The following CTNNA3 variants were observed in gnomAD, a reference collection of about 807,000 sequenced individuals.
CTNNA3 encodes catenin alpha 3.
A neutral mutation model predicts 95.7 loss-of-function variants in CTNNA3; 76 were observed. The observed-to-expected ratio is 0.79, with a 90% CI of 0.66 to 0.96. CTNNA3 has a LOEUF of 0.96. Among genes scored for constraint, CTNNA3 ranks in the 40% least tolerant of loss-of-function variants. The pLI, the probability that CTNNA3 is intolerant of heterozygous loss-of-function variation, is 0.00. For missense variants in CTNNA3, 1,191 were observed against 1,089.8 expected, an observed-to-expected ratio of 1.09 and a Z score of -1.31; for synonymous variants, 431 against 374.4, an observed-to-expected ratio of 1.15 and a Z score of -1.74.
At chr10:66,644,727 C>T (rs1047349115) in intron 9 of CTNNA3, among the ~76,000 whole-genome samples, 23 of 151,412 alleles carry the variant, frequency 1.5e-4, no homozygotes, top group South Asian at 8.3e-4. Flanking sequence ...TATTTTTCTC[C>T]AGTTTTACTT....
At chr10:67,274,176 A>C (rs1839093801) in intron 5 of CTNNA3, among the ~76,000 whole-genome samples, 1 of 152,226 alleles carries the variant, frequency 6.6e-6, no homozygotes, top group South Asian at 2.1e-4. Flanking sequence ...AACTGTTCTT[A>C]GTTCAGCTTC....
intron 9 of CTNNA3, among the ~76,000 whole-genome samples, chr10:66,707,294 T>G (rs780471538): frequency 9.9e-5 from 15 of 152,008 alleles, no homozygotes; most frequent in East Asian, 1.9e-4. Flanking sequence ...TTGTGCACAA[T>G]GTATAGAGAA....
intron 10 of CTNNA3, among the ~76,000 whole-genome samples, chr10:66,617,404 A>G (rs1182096291): frequency 2.6e-5 from 4 of 152,136 alleles, no homozygotes; most frequent in African/African-American, 7.2e-5. Context: ...GGCTGGTTCA[A>G]TATACGCAAA....
chr10:67,244,129 AG>A (rs773761573), intron 5 of CTNNA3, among the ~76,000 whole-genome samples: 1 of 152,236 alleles, frequency 6.6e-6, no homozygotes, highest in Non-Finnish European at 1.5e-5. Flanking sequence ...TGCTCAGTCT[AG>A]AATGGAAATG....
intron 9 of CTNNA3, among the ~76,000 whole-genome samples, chr10:66,663,612 C>G (rs895591937): frequency 6.6e-6 from 1 of 152,072 alleles, no homozygotes; most frequent in South Asian, 2.1e-4. Context: ...GCCTTTCTCT[C>G]CCACTCTACT....
At chr10:67,554,266 T>A (rs1841147567) in intron 3 of CTNNA3, among the ~76,000 whole-genome samples, 1 of 152,204 alleles carries the variant, frequency 6.6e-6, no homozygotes, top group South Asian at 2.1e-4. Flanking sequence ...ATACTTTGGA[T>A]ATATACCCAG....
intron 5 of CTNNA3, among the ~76,000 whole-genome samples, chr10:67,281,853 A>G (rs1839413213): frequency 1.3e-5 from 2 of 152,196 alleles, no homozygotes; most frequent in Admixed American, 1.3e-4. Context: ...CAATGTAACA[A>G]GAATGATAAT....
At position 66,844,104 on chromosome 10, in the gene CTNNA3, T is replaced by C. The variant is rs567480296; in HGVS notation, c.1048-68580A>G. 3.3e-5 allele frequency among the ~76,000 whole-genome samples: 5 copies of C among 152,344 alleles called. No individual in the cohort carries two copies. In the South Asian group the frequency reaches 1.0e-3, roughly 32 times the overall value. On this transcript the variant is annotated intron_variant, in intron 7 of 17. Coordinates refer to ENST00000433211, the MANE Select transcript of CTNNA3 (RefSeq NM_013266.4). Reference sequence around the variant, plus strand: ...ATTTCCAAGTACTACTGTTTGAATTTAGGCATAAATTCTTCTAATTAGATT... The same window carrying C: ...ATTTCCAAGTACTACTGTTTGAATTCAGGCATAAATTCTTCTAATTAGATT...
intron 7 of CTNNA3, among the ~76,000 whole-genome samples, chr10:67,108,095 G>A (rs1194742942): frequency 6.6e-6 from 1 of 152,188 alleles, no homozygotes; most frequent in African/African-American, 2.4e-5. Flanking sequence ...ACCAGTACTA[G>A]AATGTACATT....
chr10:66,558,997 A>G (rs1448207338), intron 10 of CTNNA3, among the ~76,000 whole-genome samples: 7 of 152,136 alleles, frequency 4.6e-5, no homozygotes, highest in Non-Finnish European at 7.4e-5. Flanking sequence ...TCCATAAATC[A>G]GTAAATGGCA....
chr10:66,796,962 C>T (rs1007862170), intron 7 of CTNNA3, among the ~76,000 whole-genome samples: 14 of 151,886 alleles, frequency 9.2e-5, no homozygotes, highest in African/African-American at 2.4e-4. Flanking sequence ...TTTTATCCTT[C>T]GTAATTATCT....
intron 13 of CTNNA3, among the ~76,000 whole-genome samples, chr10:66,258,088 G>C (rs188319846): frequency 7.2e-5 from 11 of 152,158 alleles, no homozygotes; most frequent in African/African-American, 1.9e-4. Flanking sequence ...CCACCTTTTC[G>C]GACAGGCCCT....
intron 9 of CTNNA3, among the ~76,000 whole-genome samples, chr10:66,639,712 C>T (rs932288174): frequency 2.0e-5 from 3 of 152,086 alleles, no homozygotes; most frequent in Non-Finnish European, 2.9e-5. Flanking sequence ...CAACACTGTG[C>T]TTTGGGAGTT....
intron 9 of CTNNA3, among the ~76,000 whole-genome samples, chr10:66,691,903 TG>T (rs1847557957): frequency 6.6e-6 from 1 of 151,762 alleles, no homozygotes; most frequent in Non-Finnish European, 1.5e-5. Flanking sequence ...CTGAGGGTCC[TG>T]TCTGTTAGAA....
At chr10:66,691,667 TCCCTGAC>T (rs1048962965) in intron 9 of CTNNA3, among the ~76,000 whole-genome samples, 1 of 152,080 alleles carries the variant, frequency 6.6e-6, no homozygotes. Flanking sequence ...CTCAAGTGGG[TCCCTGAC>T]CCCTGACCCC....
chr10:67,732,492 G>A (rs1437145942), intron 1 of CTNNA3, among the ~76,000 whole-genome samples: 7 of 152,258 alleles, frequency 4.6e-5, no homozygotes, highest in Non-Finnish European at 7.4e-5. Context: ...GAAGCCACTC[G>A]TGGTCTAAGC....
intron 12 of CTNNA3, among the ~76,000 whole-genome samples, chr10:66,305,330 T>A (rs968488812): frequency 6.6e-6 from 1 of 152,160 alleles, no homozygotes; most frequent in Admixed American, 6.5e-5. Flanking sequence ...TATAAAAGAA[T>A]TTGTACAAAA....
intron 4 of CTNNA3, among the ~76,000 whole-genome samples, chr10:67,527,904 C>G (rs1162814454): frequency 6.6e-6 from 1 of 152,184 alleles, no homozygotes; most frequent in Non-Finnish European, 1.5e-5. Flanking sequence ...CTAGCCAAAG[C>G]TTTAGCAGAA....
At chr10:66,768,100 G>C (rs1326120382) in intron 8 of CTNNA3, among the ~76,000 whole-genome samples, 3 of 152,170 alleles carry the variant, frequency 2.0e-5, no homozygotes, top group African/African-American at 7.2e-5. Context: ...GGGAACTACA[G>C]GTTGTGTAAG....
Sources: allele counts gnomAD v4.1 joint callset (sites outside exome capture counted in the v4.1 genomes callset), GRCh38; gene constraint gnomAD v4.1.1; transcripts MANE v1.5; gene names NCBI Gene and HGNC (gene_info 2026-07-23, HGNC 2026-07-21).